AP1S3: variants seen among roughly 807,000 people sequenced by gnomAD.
AP1S3 encodes the protein adaptor related protein complex 1 subunit sigma 3, also known as AP-1 complex subunit sigma-3.
Under a neutral mutation model 20.9 loss-of-function variants are expected in AP1S3, and 10 were observed. The observed-to-expected ratio is 0.48, with a 90% CI of 0.29 to 0.81. The LOEUF (loss-of-function observed/expected upper bound fraction) is 0.81, where lower values mean the gene tolerates loss of function less well. Ranked by LOEUF, AP1S3 falls within the 30% of genes least tolerant of loss-of-function variation. AP1S3 has a pLI of 0.08. For synonymous variants in AP1S3, 41 were observed against 61.5 expected, an observed-to-expected ratio of 0.67 and a Z score of 1.56; for missense variants, 154 against 183.8, an observed-to-expected ratio of 0.84 and a Z score of 0.94.
intron 1 of AP1S3, among the ~76,000 whole-genome samples, chr2:223,784,305 C>T (rs1267986514): frequency 2.0e-5 from 3 of 152,132 alleles, no homozygotes; most frequent in Non-Finnish European, 2.9e-5. Flanking sequence ...TATTCCCAGT[C>T]TCCATCCTCA....
chr2:223,811,259 A>AT (rs1283510337), intron 1 of AP1S3, among the ~76,000 whole-genome samples: 3 of 151,892 alleles, frequency 2.0e-5, no homozygotes, highest in Non-Finnish European at 4.4e-5. Context: ...CACCTGGCTA[A>AT]TTTTTTGTAT....
At chr2:223,764,517 T>C (rs1010018312) in intron 4 of AP1S3, among the ~76,000 whole-genome samples, 2 of 151,676 alleles carry the variant, frequency 1.3e-5, no homozygotes, top group African/African-American at 4.9e-5. Flanking sequence ...CTTTATTTTA[T>C]ATAGAAATCC....
At chr2:223,830,448 C>T (rs1692232095) in intron 1 of AP1S3, among the ~76,000 whole-genome samples, 1 of 148,336 alleles carries the variant, frequency 6.7e-6, no homozygotes, top group African/African-American at 2.5e-5. Context: ...CACTGCACTC[C>T]AGCCTGGGTG....
intron 3 of AP1S3, among the ~76,000 whole-genome samples, chr2:223,769,973 T>C (rs1226689541): frequency 6.6e-6 from 1 of 151,812 alleles, no homozygotes; most frequent in Non-Finnish European, 1.5e-5. Flanking sequence ...CTCGATCTCC[T>C]GACCTCGTGA....
chr2:223,776,092 C>T, intron 2 of AP1S3, 83 bp from the exon 3 acceptor site: 1 of 948,530 alleles, frequency 1.1e-6, no homozygotes, highest in Non-Finnish European at 1.7e-6. Context: ...TATGCAGTCA[C>T]CTCCTCCCCC....
chr2:223,768,878 A>G (rs1458035229), intron 3 of AP1S3, among the ~76,000 whole-genome samples: 1 of 152,176 alleles, frequency 6.6e-6, no homozygotes, highest in African/African-American at 2.4e-5. Flanking sequence ...AAATAAATAT[A>G]GGCCTTGTTT....
intron 1 of AP1S3, among the ~76,000 whole-genome samples, chr2:223,824,909 C>T (rs2106128703): frequency 6.6e-6 from 1 of 152,250 alleles, no homozygotes; most frequent in East Asian, 1.9e-4. Context: ...GAAAAATTCA[C>T]ACGTGAGAAA....
rs759654492 is a variant in AP1S3 at position 223,777,694 on chromosome 2, T to C, written c.179A>G (p.Lys60Arg). The change falls in exon 2 of 5, where the codon AAA (lysine) becomes AGA (arginine). Residue 60 changes from lysine to arginine, a missense_variant. By Grantham distance (26) the Lys-to-Arg change is conservative. Coordinates refer to ENST00000396654, the MANE Select transcript of AP1S3 (RefSeq NM_001039569.2). ...GCTCTCAAAAAGTTACTCACACCTT[T>C]TATAAACAAGTTTTAGCTCCTTCCA... Reference protein sequence around the residue: ...VDWKELKLVYKRYASLYFCCA... With the variant: ...VDWKELKLVYRRYASLYFCCA... 3.7e-6 allele frequency: 6 copies of C among 1,612,384 alleles called. No homozygotes were observed. In the Admixed American group the frequency reaches 6.7e-5, roughly 18 times the overall value.
chr2:223,759,639 C>T (rs528963549), intron 4 of AP1S3, among the ~76,000 whole-genome samples: 10 of 152,234 alleles, frequency 6.6e-5, no homozygotes, highest in African/African-American at 9.6e-5. Flanking sequence ...CTTTTAAGTT[C>T]AGAGATACAT....
intron 3 of AP1S3, chr2:223,773,463 TA>T (rs373568071): frequency 1.8e-6 from 2 of 1,124,720 alleles, no homozygotes; most frequent in African/African-American, 1.6e-5. Flanking sequence ...AATTTCTCCT[TA>T]AAAAAATGAA....
chr2:223,777,339 G>A (rs1690807687), intron 2 of AP1S3, among the ~76,000 whole-genome samples: 1 of 152,130 alleles, frequency 6.6e-6, no homozygotes, highest in East Asian at 1.9e-4. Context: ...AAGTTGCAGT[G>A]AGCCAAGATC....
chr2:223,788,436 C>T (rs1334340736), intron 1 of AP1S3, among the ~76,000 whole-genome samples: 5 of 151,408 alleles, frequency 3.3e-5, no homozygotes. Flanking sequence ...AACATGGTGA[C>T]ACCCTGACTC....
chr2:223,762,036 G>C (rs1559273498), intron 4 of AP1S3, among the ~76,000 whole-genome samples: 1 of 150,514 alleles, frequency 6.6e-6, no homozygotes, highest in African/African-American at 2.5e-5. Flanking sequence ...GCAGTGGCAT[G>C]ATCTCGGCTC....
chr2:223,789,815 G>A (rs1300708427), intron 1 of AP1S3, among the ~76,000 whole-genome samples: 4 of 143,238 alleles, frequency 2.8e-5, no homozygotes, highest in African/African-American at 1.1e-4. Flanking sequence ...TCCAGCCTCG[G>A]TGATAGTACA....
chr2:223,759,891 T>A (rs1690311863), intron 4 of AP1S3, among the ~76,000 whole-genome samples: 2 of 152,192 alleles, frequency 1.3e-5, no homozygotes, highest in South Asian at 4.1e-4. Context: ...GTCCCTGCAC[T>A]AGTTTGCTCA....
intron 1 of AP1S3, among the ~76,000 whole-genome samples, chr2:223,781,650 G>A (rs1690948901): frequency 6.6e-6 from 1 of 152,060 alleles, no homozygotes; most frequent in Non-Finnish European, 1.5e-5. Context: ...CTATTCAGAA[G>A]GGTATTTTTG....
At chr2:223,826,679 G>A (rs971273612) in intron 1 of AP1S3, among the ~76,000 whole-genome samples, 1 of 151,748 alleles carries the variant, frequency 6.6e-6, no homozygotes, top group African/African-American at 2.4e-5. Flanking sequence ...TTTAAGACAG[G>A]GTCTCACTCT....
chr2:223,818,755 T>C (rs56748167), intron 1 of AP1S3, among the ~76,000 whole-genome samples: 21,102 of 151,994 alleles, frequency 0.14, 2,036 homozygotes, highest in East Asian at 0.41. Context: ...GGTCTCACCA[T>C]GTTGGCCAGG....
At chr2:223,758,798 C>T (rs757738145) in intron 4 of AP1S3, 48 bp from the exon 5 acceptor site, 23 of 1,491,354 alleles carry the variant, frequency 1.5e-5, no homozygotes, top group Non-Finnish European at 2.0e-5. Context: ...AAGTCACAGC[C>T]TTCCGCAGAC....
Sources: allele counts gnomAD v4.1 joint callset (sites outside exome capture counted in the v4.1 genomes callset), GRCh38; gene constraint gnomAD v4.1.1; transcripts MANE v1.5; gene names NCBI Gene and HGNC (gene_info 2026-07-23, HGNC 2026-07-21).